Variants in FANCC observed in about 807,000 individuals in gnomAD.
FANCC encodes the protein Fanconi anemia group C protein.
A neutral mutation model predicts 71.3 loss-of-function variants in FANCC; 55 were observed. The ratio of observed to expected loss-of-function variants is 0.77; its 90% CI spans 0.62 to 0.97. The LOEUF (loss-of-function observed/expected upper bound fraction) is 0.97, where lower values mean the gene tolerates loss of function less well. FANCC is among the 50% of genes least tolerant of loss of function. The pLI, the probability that FANCC is intolerant of heterozygous loss-of-function variation, is 0.00. For synonymous variants in FANCC, 275 were observed against 244.9 expected (o/e 1.12, Z -1.15); for missense variants, 678 against 670.9 (o/e 1.01, Z -0.12).
rs750753023 is a variant in FANCC at position 95,289,577 on chromosome 9, A to G, written c.-79+27949T>C. Among the ~76,000 whole-genome samples the G allele has an allele frequency of 2.6e-5, 4 of 152,228 alleles. No homozygotes were observed. In the South Asian group the frequency reaches 6.2e-4, roughly 24 times the overall value. On this transcript the variant is annotated intron_variant, in intron 1 of 14. Transcript: ENST00000289081. ...CTCCACAAAATTAATATAAATTCAA[A>G]GCATATTAATACATTCTCTATTGTT...
At chr9:95,280,134 T>C (rs375757143) in intron 1 of FANCC, among the ~76,000 whole-genome samples, 17 of 151,958 alleles carry the variant, frequency 1.1e-4, no homozygotes, top group Non-Finnish European at 2.5e-4. Context: ...AACTTAATTG[T>C]GGCTATACTG....
intron 3 of FANCC, among the ~76,000 whole-genome samples, chr9:95,244,199 T>G (rs1830801510): frequency 6.6e-6 from 1 of 152,194 alleles, no homozygotes. Flanking sequence ...GAATCACATC[T>G]TCAAGTTTGC....
chr9:95,227,110 T>C (rs1829668458), intron 4 of FANCC, among the ~76,000 whole-genome samples: 1 of 152,098 alleles, frequency 6.6e-6, no homozygotes, highest in African/African-American at 2.4e-5. Context: ...AAAGTCAGAG[T>C]TCCTGAGAGC....
intron 7 of FANCC, among the ~76,000 whole-genome samples, chr9:95,138,194 A>G (rs1828011934): frequency 6.6e-6 from 1 of 152,240 alleles, no homozygotes; most frequent in Non-Finnish European, 1.5e-5. Flanking sequence ...CGCAGCTGGT[A>G]ACACTTGAAG....
At chr9:95,110,318 C>T (rs2071813723) in intron 13 of FANCC, 1 of 1,015,860 alleles carries the variant, frequency 9.8e-7, no homozygotes, top group Non-Finnish European at 1.2e-6. Flanking sequence ...CACATATCTA[C>T]CAACTTAGCT....
chr9:95,312,466 G>A (rs954441830), intron 1 of FANCC, among the ~76,000 whole-genome samples: 1 of 152,074 alleles, frequency 6.6e-6, no homozygotes, highest in Non-Finnish European at 1.5e-5. Context: ...TGGGCTCAAC[G>A]ATCCTCCCAC....
At chr9:95,265,930 G>A (rs1280407047) in intron 1 of FANCC, among the ~76,000 whole-genome samples, 1 of 152,162 alleles carries the variant, frequency 6.6e-6, no homozygotes, top group Non-Finnish European at 1.5e-5. Flanking sequence ...GGGAGAGAAG[G>A]AAACACAGGG....
chr9:95,260,700 A>AC (rs1831988852), intron 1 of FANCC, among the ~76,000 whole-genome samples: 1 of 151,872 alleles, frequency 6.6e-6, no homozygotes, highest in Non-Finnish European at 1.5e-5. Flanking sequence ...AAAAAAAAAA[A>AC]AACTTCCAGA....
rs9792691 is a variant in FANCC at position 95,187,372 on chromosome 9, C to A, written c.346-15225G>T. Among the ~76,000 whole-genome samples the A allele has an allele frequency of 3.3e-3, 502 of 152,320 alleles. 9 individuals carry two copies. The East Asian group carries it at 0.043, about 13-fold the overall frequency. ...ACGGCCAAGGCCCACCTCCTGCCCT[C>A]TGGCTCATCTCCAATGCCTGTCCTG... On this transcript the variant is annotated intron_variant, in intron 4 of 14. Coordinates refer to ENST00000289081, the MANE Select transcript of FANCC (RefSeq NM_000136.3).
chr9:95,177,643 A>C (rs1826098991), intron 4 of FANCC, among the ~76,000 whole-genome samples: 1 of 152,280 alleles, frequency 6.6e-6, no homozygotes, highest in Admixed American at 6.5e-5. Context: ...TTATATCATA[A>C]GCTTTTCTAT....
At chr9:95,118,698 C>T (rs2072628384) in intron 10 of FANCC, among the ~76,000 whole-genome samples, 1 of 152,158 alleles carries the variant, frequency 6.6e-6, no homozygotes, top group Non-Finnish European at 1.5e-5. Flanking sequence ...TTCTTGGGCT[C>T]AACATATTTT....
intron 7 of FANCC, among the ~76,000 whole-genome samples, chr9:95,144,590 C>A (rs1186113391): frequency 6.6e-6 from 1 of 152,148 alleles, no homozygotes; most frequent in African/African-American, 2.4e-5. Flanking sequence ...TCCAGATTCC[C>A]TTTAATTCAG....
Position 95,100,700 on chromosome 9 carries a change from G to T in FANCC, c.*1007C>A. 4.4e-6 allele frequency: 1 copy of T among 228,100 alleles called. No homozygotes were observed. The allele number at this position is 228,100 out of a possible 1,614,324, so 14.1% of individuals were successfully genotyped here. A position where few individuals can be genotyped will look rare whatever the true frequency, so the allele number is the denominator to read the frequency against. On this transcript the variant is annotated 3_prime_UTR_variant, in exon 15 of 15. Coordinates refer to ENST00000289081, the MANE Select transcript of FANCC (RefSeq NM_000136.3). ...GGCTGGAGTGCAGTGTCATGATCTC[G>T]GCTCACTACAACTCCCACCTCCCGG...
chr9:95,294,565 GA>G (rs1443793872), intron 1 of FANCC: 1 of 1,538,766 alleles, frequency 6.5e-7, no homozygotes, highest in African/African-American at 1.4e-5. Context: ...GACACAAACT[GA>G]AGGAATCTCC....
At chr9:95,220,892 TAAATA>T (rs1383844580) in intron 4 of FANCC, among the ~76,000 whole-genome samples, 3 of 151,616 alleles carry the variant, frequency 2.0e-5, no homozygotes, top group Non-Finnish European at 2.9e-5. Context: ...AATAAATAAA[TAAATA>T]AAAGAAATAC....
At chr9:95,283,558 T>C (rs1284649563) in intron 1 of FANCC, among the ~76,000 whole-genome samples, 1 of 152,248 alleles carries the variant, frequency 6.6e-6, no homozygotes, top group African/African-American at 2.4e-5. Context: ...TCAAACACTT[T>C]CTTTCTCAAA....
chr9:95,237,263 G>A (rs144327528), intron 4 of FANCC, among the ~76,000 whole-genome samples: 1 of 152,044 alleles, frequency 6.6e-6, no homozygotes, highest in Non-Finnish European at 1.5e-5. Flanking sequence ...AGCATGTTTG[G>A]GACTTGCTCA....
chr9:95,283,467 T>C (rs1215326163), intron 1 of FANCC, among the ~76,000 whole-genome samples: 1 of 152,238 alleles, frequency 6.6e-6, no homozygotes, highest in Non-Finnish European at 1.5e-5. Flanking sequence ...GTCTCTGCTA[T>C]TTATTACAGA....
At chr9:95,103,672 G>A (rs2071225402) in intron 14 of FANCC, among the ~76,000 whole-genome samples, 1 of 152,232 alleles carries the variant, frequency 6.6e-6, no homozygotes, top group Non-Finnish European at 1.5e-5. Flanking sequence ...GGGCCTCATG[G>A]ATGGCGTTCT....
Sources: gnomAD v4.1 joint callset for allele counts (sites outside exome capture counted in the v4.1 genomes callset) on GRCh38, gnomAD v4.1.1 for gene constraint, MANE v1.5 for transcripts, NCBI Gene and HGNC (gene_info 2026-07-23, HGNC 2026-07-21) for gene names.